Variants in SNX24 observed in about 807,000 individuals in gnomAD.
SNX24 encodes the protein sorting nexin 24.
A neutral mutation model predicts 28.7 loss-of-function variants in SNX24; 22 were observed. The ratio of observed to expected loss-of-function variants is 0.77; its 90% CI spans 0.55 to 1.10. SNX24 has a LOEUF of 1.10. SNX24 is among the 50% of genes least tolerant of loss of function. The probability of loss-of-function intolerance (pLI) is 0.00; values close to 1 mark genes in which losing one functional copy is unlikely to be tolerated. For missense variants in SNX24, 221 were observed against 201.1 expected (o/e 1.10, Z -0.60); for synonymous variants, 69 against 71.5 (o/e 0.96, Z 0.18).
intron 1 of SNX24, among the ~76,000 whole-genome samples, chr5:122,857,700 G>A (rs1480055803): frequency 6.6e-6 from 1 of 152,078 alleles, no homozygotes. Flanking sequence ...TAAGGATAAC[G>A]GCCTCCAGCT....
chr5:122,845,925 C>G (rs984255721), intron 1 of SNX24, among the ~76,000 whole-genome samples: 1 of 152,118 alleles, frequency 6.6e-6, no homozygotes, highest in African/African-American at 2.4e-5. Context: ...CAACCCTCTC[C>G]TCCCGGACGA....
intron 1 of SNX24, among the ~76,000 whole-genome samples, chr5:122,922,729 G>A (rs995891474): frequency 4.6e-5 from 7 of 151,850 alleles, no homozygotes; most frequent in Non-Finnish European, 7.4e-5. Context: ...TCTTTTACTC[G>A]GCTTTATTCT....
intron 1 of SNX24, among the ~76,000 whole-genome samples, chr5:122,850,490 A>G (rs1754861205): frequency 6.6e-6 from 1 of 152,174 alleles, no homozygotes; most frequent in South Asian, 2.1e-4. Flanking sequence ...CATTTAAGAG[A>G]CACTTAAAAA....
intron 1 of SNX24, among the ~76,000 whole-genome samples, chr5:122,895,642 C>T (rs988238152): frequency 1.3e-5 from 2 of 152,178 alleles, no homozygotes; most frequent in Non-Finnish European, 2.9e-5. Context: ...AGTGTGTCCA[C>T]GCATGCCAGC....
At chr5:122,966,817 A>G (rs575762866) in intron 3 of SNX24, among the ~76,000 whole-genome samples, 3 of 152,226 alleles carry the variant, frequency 2.0e-5, no homozygotes, top group South Asian at 4.1e-4. Flanking sequence ...AGCATCATCT[A>G]ATTCCTAAAA....
chr5:122,962,871 CT>C (rs1760543434), intron 3 of SNX24, among the ~76,000 whole-genome samples: 1 of 152,104 alleles, frequency 6.6e-6, no homozygotes, highest in African/African-American at 2.4e-5. Flanking sequence ...TTAAAAATAC[CT>C]TCAGCAGTCA....
At chr5:122,898,298 G>A (rs1269770256) in intron 1 of SNX24, among the ~76,000 whole-genome samples, 1 of 152,202 alleles carries the variant, frequency 6.6e-6, no homozygotes, top group Admixed American at 6.5e-5. Context: ...ATGAAGATGT[G>A]TTCTATGTGG....
chr5:122,955,619 C>T (rs1346097129), intron 3 of SNX24, among the ~76,000 whole-genome samples: 1 of 152,126 alleles, frequency 6.6e-6, no homozygotes, highest in Non-Finnish European at 1.5e-5. Context: ...CTCACTTGGC[C>T]CTCGTTGATA....
At chr5:122,994,899 T>C (rs529036008) in intron 3 of SNX24, among the ~76,000 whole-genome samples, 107 of 152,362 alleles carry the variant, frequency 7.0e-4, no homozygotes, top group Non-Finnish European at 1.3e-3. Flanking sequence ...TGCCCAGTTT[T>C]ACTGTTTATC....
intron 1 of SNX24, among the ~76,000 whole-genome samples, chr5:122,845,985 C>T (rs1462492016): frequency 1.3e-5 from 2 of 152,224 alleles, no homozygotes; most frequent in East Asian, 1.9e-4. Context: ...CGCCCGCCTT[C>T]GGGAGCCCAG....
intron 1 of SNX24, among the ~76,000 whole-genome samples, chr5:122,903,632 T>A (rs1407905289): frequency 1.3e-5 from 2 of 152,202 alleles, no homozygotes; most frequent in African/African-American, 4.8e-5. Context: ...TGAATGGAGT[T>A]TTAAAATCTG....
intron 4 of SNX24, 140 bp downstream of exon 4, chr5:123,000,146 C>T (rs535086018): frequency 9.3e-6 from 6 of 644,326 alleles, no homozygotes; most frequent in Non-Finnish European, 1.7e-5. Flanking sequence ...CACTCGCTCG[C>T]CCCCTGCTTT....
intron 1 of SNX24, among the ~76,000 whole-genome samples, chr5:122,859,570 C>G (rs1322270797): frequency 6.6e-6 from 1 of 152,160 alleles, no homozygotes; most frequent in Non-Finnish European, 1.5e-5. Context: ...CTACTGCACC[C>G]TAGCCTGGGT....
At chr5:122,917,018 C>G (rs1229353056) in intron 1 of SNX24, among the ~76,000 whole-genome samples, 5 of 152,080 alleles carry the variant, frequency 3.3e-5, no homozygotes, top group Non-Finnish European at 7.4e-5. Context: ...CCTGTAATCC[C>G]AACACTTTGA....
At chr5:122,878,249 C>T (rs112715640) in intron 1 of SNX24, among the ~76,000 whole-genome samples, 9 of 152,228 alleles carry the variant, frequency 5.9e-5, no homozygotes, top group Admixed American at 2.6e-4. Flanking sequence ...CTGGTTGGTG[C>T]TCAGCTCAAT....
At chr5:122,909,670 G>A (rs770823104) in intron 1 of SNX24, among the ~76,000 whole-genome samples, 61 of 152,158 alleles carry the variant, frequency 4.0e-4, no homozygotes, top group Non-Finnish European at 6.9e-4. Context: ...TGACTTCTTG[G>A]CACTGTCTAT....
intron 1 of SNX24, among the ~76,000 whole-genome samples, chr5:122,929,485 T>G (rs1292880111): frequency 6.6e-6 from 1 of 152,224 alleles, no homozygotes; most frequent in Non-Finnish European, 1.5e-5. Context: ...ACTAAGTCTG[T>G]ACTGCTCAGT....
downstream of SNX24, among the ~76,000 whole-genome samples, chr5:123,011,476 C>G (rs1040023040): frequency 2.6e-5 from 4 of 151,970 alleles, no homozygotes; most frequent in Non-Finnish European, 5.9e-5. Flanking sequence ...CCTACAGTTA[C>G]AGTTATAAGT....
intron 3 of SNX24, among the ~76,000 whole-genome samples, chr5:122,974,641 A>AATACACTGTC (rs1380395003): frequency 6.6e-6 from 1 of 152,232 alleles, no homozygotes; most frequent in Admixed American, 6.5e-5. Flanking sequence ...AGCTTATGCG[A>AATACACTGTC]ATACACTGTC....
Sources: gnomAD v4.1 joint callset for allele counts (sites outside exome capture counted in the v4.1 genomes callset) on GRCh38, gnomAD v4.1.1 for gene constraint, MANE v1.5 for transcripts, NCBI Gene and HGNC (gene_info 2026-07-23, HGNC 2026-07-21) for gene names.